Variants in CSNK1D observed in about 807,000 individuals in gnomAD.
CSNK1D encodes casein kinase 1 delta, also known as casein kinase I isoform delta.
CSNK1D carries 16 observed loss-of-function variants against 46.6 expected under a neutral mutation model. That is an observed-to-expected ratio of 0.34 (90% CI 0.23 to 0.52). The LOEUF (loss-of-function observed/expected upper bound fraction) is 0.52, where lower values mean the gene tolerates loss of function less well. Ranked by LOEUF, CSNK1D falls within the 20% of genes least tolerant of loss-of-function variation. CSNK1D has a pLI of 0.95. For missense variants in CSNK1D, 398 were observed against 578.4 expected (o/e 0.69, Z 3.20); for synonymous variants, 276 against 228.2 (o/e 1.21, Z -1.89).
At chr17:82,267,501 C>T (rs996352904) in intron 1 of CSNK1D, among the ~76,000 whole-genome samples, 1 of 152,122 alleles carries the variant, frequency 6.6e-6, no homozygotes, top group Non-Finnish European at 1.5e-5. Flanking sequence ...CCACAGGAAT[C>T]GCCACCACCG....
Position 82,246,120 on chromosome 17 carries a change from C to A in CSNK1D, c.1198-1289G>T, listed in dbSNP as rs559398433. On this transcript the variant is annotated intron_variant, in intron 8 of 8. Coordinates refer to ENST00000314028, the MANE Select transcript of CSNK1D (RefSeq NM_001893.6). ...TGTGTCGGCTCCATGTCCAGATGGG[C>A]ATCCTTGCCTCAACCAGGTCCACAG... The A allele has an allele frequency of 2.6e-6, 4 of 1,552,622 alleles. No homozygotes were observed. In the African/African-American group the frequency reaches 4.1e-5, roughly 16 times the overall value.
chr17:82,251,313 G>A lies in CSNK1D; in HGVS notation c.885+66C>T, dbSNP rs1011938976. The A allele has an allele frequency of 2.9e-5, 46 of 1,595,912 alleles. No homozygotes were observed. The Admixed American group carries it at 4.2e-4, about 15-fold the overall frequency. On this transcript the variant is annotated intron_variant, in intron 6 of 8. Coordinates refer to ENST00000314028, the MANE Select transcript of CSNK1D (RefSeq NM_001893.6). This position sits in a 1 kb window ranked among gnomAD's most constrained non-coding sequence, Gnocchi z 4.5. ...ACAGCCCCTCAACAAGACGGCCGCC[G>A]GCCTCTCACTGACAAGCCATCCCCC... is the stretch of plus-strand genomic sequence containing the variant.
downstream of CSNK1D, chr17:82,239,132 G>A (rs1366658750): frequency 1.6e-5 from 11 of 676,408 alleles, no homozygotes; most frequent in African/African-American, 3.6e-5. Flanking sequence ...TGAGGGGGAA[G>A]GTGGCGGGGT....
chr17:82,259,862 G>C (rs2051278119), intron 2 of CSNK1D, among the ~76,000 whole-genome samples: 1 of 152,266 alleles, frequency 6.6e-6, no homozygotes, highest in South Asian at 2.1e-4. Flanking sequence ...GTATTCAAAA[G>C]ACTATGTGGC....
At position 82,249,086 on chromosome 17, in the gene CSNK1D, G is replaced by A; in HGVS notation, c.1058-72C>T. ...TCTCACTCGGGGCTTTCTATGAGAG[G>A]CTGTGGCCAGAGAGGACCCTGGGCT... On this transcript the variant is annotated intron_variant, in intron 7 of 8. Coordinates refer to ENST00000314028, the MANE Select transcript of CSNK1D (RefSeq NM_001893.6). This position sits in a 1 kb window ranked among gnomAD's most constrained non-coding sequence, Gnocchi z 6.7. 1 of 1,518,848 alleles carries A rather than the reference G, an allele frequency of 6.6e-7. No individual in the cohort carries two copies. The highest frequency in any genetic ancestry group is 1.2e-5 in the South Asian group (1 of 81,460). 94.1% of individuals were successfully genotyped at this position (1,518,848 alleles called of 1,614,324 possible).
chr17:82,246,732 T>C (rs977137684), intron 8 of CSNK1D: 8 of 992,264 alleles, frequency 8.1e-6, no homozygotes, highest in African/African-American at 3.5e-5. Flanking sequence ...CAGCAAGCCC[T>C]GGGAGACCTT....
rs924225596 is a variant in CSNK1D at position 82,247,553 on chromosome 17, G to A, written c.1197+1322C>T. 1.0e-5 allele frequency: 10 copies of A among 985,376 alleles called. No homozygotes were observed. In the African/African-American group the frequency reaches 1.7e-4, roughly 17 times the overall value. 61.0% of individuals were successfully genotyped at this position (985,376 alleles called of 1,614,324 possible). A position where few individuals can be genotyped will look rare whatever the true frequency, so the allele number is the denominator to read the frequency against. On this transcript the variant is annotated intron_variant, in intron 8 of 8. Transcript: ENST00000314028. ...AGCATGGGGAGCACTCTGGGCTCCTGTACCATGGTTCAGGGGCTACAGAGC... is the reference window on the plus strand; with the variant it reads ...AGCATGGGGAGCACTCTGGGCTCCTATACCATGGTTCAGGGGCTACAGAGC...
At chr17:82,245,200 C>T in intron 8 of CSNK1D, 1 of 439,842 alleles carries the variant, frequency 2.3e-6, no homozygotes, top group South Asian at 2.1e-5. Flanking sequence ...TTCCTGTCAA[C>T]ACATTTCCAG....
chr17:82,250,299 G>A lies in CSNK1D; in HGVS notation c.886-697C>T, dbSNP rs910901283. On this transcript the variant is annotated intron_variant, in intron 6 of 8. Coordinates refer to ENST00000314028, the MANE Select transcript of CSNK1D (RefSeq NM_001893.6). This position sits in a 1 kb window ranked among gnomAD's most constrained non-coding sequence, Gnocchi z 4.6. ...AGTACAGCTCATTGGACACAGCCAC[G>A]TTCACCAGGCAACACACAGACCGAC... is the stretch of plus-strand genomic sequence containing the variant. 4 of 930,552 alleles carry A rather than the reference G, an allele frequency of 4.3e-6. No homozygotes were observed. The highest frequency in any genetic ancestry group is 1.7e-5 in the African/African-American group (1 of 58,794). 57.6% of individuals were successfully genotyped at this position (930,552 alleles called of 1,614,324 possible).
chr17:82,239,064 C>T (rs1168929933), downstream of CSNK1D: 7 of 1,332,414 alleles, frequency 5.3e-6, no homozygotes, highest in African/African-American at 1.5e-5. Context: ...CTGGCTCAGG[C>T]AGGGCCACGG....
chr17:82,272,592 C>A (rs547435570), intron 1 of CSNK1D, among the ~76,000 whole-genome samples: 1 of 152,348 alleles, frequency 6.6e-6, no homozygotes, highest in East Asian at 1.9e-4. Context: ...TAAACTTAAC[C>A]CTTGCTCATT....
chr17:82,245,594 C>A, intron 8 of CSNK1D: 1 of 326,464 alleles, frequency 3.1e-6, no homozygotes, highest in Non-Finnish European at 6.0e-6. Flanking sequence ...ACACAGACGC[C>A]CCTCCAGGCA....
At chr17:82,242,621 A>ACT, downstream of CSNK1D, 1 of 982,284 alleles carries the variant, frequency 1.0e-6, no homozygotes, top group Non-Finnish European at 1.2e-6. Flanking sequence ...CACAGTGAAA[A>ACT]CTCTCAAGCT....
chr17:82,244,976 C>T (rs1028270911), intron 8 of CSNK1D, 145 bp from the exon 9 acceptor site: 4 of 1,011,208 alleles, frequency 4.0e-6, no homozygotes, highest in Non-Finnish European at 6.0e-6. Context: ...CCGCCACGCA[C>T]AGGGGCCTCT....
At position 82,255,266 on chromosome 17, in the gene CSNK1D, G is replaced by C. The variant is rs1018170997; in HGVS notation, c.336+163C>G. 1 of 849,250 alleles carries C rather than the reference G, an allele frequency of 1.2e-6. No homozygotes were observed. 52.6% of individuals were successfully genotyped at this position (849,250 alleles called of 1,614,324 possible). On this transcript the variant is annotated intron_variant, in intron 3 of 8. Coordinates refer to ENST00000314028, the MANE Select transcript of CSNK1D (RefSeq NM_001893.6). This position sits in a 1 kb window ranked among gnomAD's most constrained non-coding sequence, Gnocchi z 5.9. ...CAGTGAGCGGAGCCACCGGAGCCTC[G>C]AGAAGCCAGTGAGCTGAGCCACTGC...
At chr17:82,242,542 C>A (rs1249140385), downstream of CSNK1D, 3 of 760,620 alleles carry the variant, frequency 3.9e-6, no homozygotes, top group Admixed American at 6.2e-5. Flanking sequence ...TGCCAGCTCC[C>A]AGACACCCAC....
At chr17:82,254,497 G>A (rs1185222700) in intron 3 of CSNK1D, 11 of 204,136 alleles carry the variant, frequency 5.4e-5, no homozygotes, top group South Asian at 3.5e-4. Context: ...CCGGAGCCTC[G>A]AGAAGCCAGT....
Position 82,243,827 on chromosome 17 carries a change from C to T in CSNK1D, c.*954G>A. The T allele has an allele frequency of 1.0e-6, 1 of 985,532 alleles. No homozygotes were observed. Among genetic ancestry groups the T allele is most frequent in the Non-Finnish European group, 1.2e-6 (1 of 829,998 alleles). 61.0% of individuals were successfully genotyped at this position (985,532 alleles called of 1,614,324 possible). A position where few individuals can be genotyped will look rare whatever the true frequency, so the allele number is the denominator to read the frequency against. ...GCAAGGCAACAAACACTACAGTAAC[C>T]ACCTCTCGGTTCACAGTCCTCTCCC... On this transcript the variant is annotated 3_prime_UTR_variant, in exon 9 of 9. Coordinates refer to ENST00000314028, the MANE Select transcript of CSNK1D (RefSeq NM_001893.6).
At chr17:82,245,076 C>G (rs1210815683) in intron 8 of CSNK1D, 1 of 613,616 alleles carries the variant, frequency 1.6e-6, no homozygotes, top group Admixed American at 2.7e-5. Context: ...GAGCCGGGCT[C>G]GGCAGGGTCG....
Sources: allele counts gnomAD v4.1 joint callset (sites outside exome capture counted in the v4.1 genomes callset), GRCh38; gene constraint gnomAD v4.1.1; non-coding constraint Gnocchi (gnomAD v3.1); transcripts MANE v1.5; gene names NCBI Gene and HGNC (gene_info 2026-07-23, HGNC 2026-07-21).